Variants in PHF2 observed in about 807,000 individuals in gnomAD.
PHF2 encodes the protein PHD finger protein 2, also known as lysine-specific demethylase PHF2.
In PHF2, 27 loss-of-function variants were observed where a neutral mutation model predicts 120.5. The ratio of observed to expected loss-of-function variants is 0.22; its 90% CI spans 0.17 to 0.31. The LOEUF (loss-of-function observed/expected upper bound fraction) is 0.31. Among genes scored for constraint, PHF2 ranks in the 10% least tolerant of loss-of-function variants. The probability of loss-of-function intolerance (pLI) is 1.00; values close to 1 mark genes in which losing one functional copy is unlikely to be tolerated. For synonymous variants in PHF2, 568 were observed against 592.5 expected, an observed-to-expected ratio of 0.96 and a Z score of 0.60; for missense variants, 1,024 against 1,434.8, an observed-to-expected ratio of 0.71 and a Z score of 4.63.
chr9:93,673,924 T>C, intron 18 of PHF2, 62 bp downstream of exon 18: 34 of 1,486,722 alleles, frequency 2.3e-5, no homozygotes, highest in Non-Finnish European at 2.9e-5. Flanking sequence ...TGGCTGAGAA[T>C]GGAGACAGTA....
At chr9:93,577,771 G>GC (rs756555089) in intron 1 of PHF2, among the ~76,000 whole-genome samples, 7 of 152,220 alleles carry the variant, frequency 4.6e-5, no homozygotes, top group Non-Finnish European at 1.0e-4. Context: ...CTTGCCGATG[G>GC]CCATGACCTG....
intron 1 of PHF2, among the ~76,000 whole-genome samples, chr9:93,606,953 C>G (rs1825552486): frequency 6.6e-6 from 1 of 152,140 alleles, no homozygotes; most frequent in Non-Finnish European, 1.5e-5. Context: ...GTTGATCAGA[C>G]TGTTTTGTCT....
chr9:93,619,249 C>G (rs982606153), intron 1 of PHF2, among the ~76,000 whole-genome samples: 2 of 152,148 alleles, frequency 1.3e-5, no homozygotes, highest in African/African-American at 4.8e-5. Context: ...AGGTCACAAG[C>G]TGAGACACAG....
At chr9:93,654,285 G>A in intron 6 of PHF2, 128 bp from the exon 7 acceptor site, 1 of 761,612 alleles carries the variant, frequency 1.3e-6, no homozygotes, top group East Asian at 2.6e-5. Context: ...CAAAGCACCT[G>A]TGCCCTCAGT....
chr9:93,636,447 G>A lies in PHF2; in HGVS notation c.221G>A (p.Gly74Glu). 1 of 1,610,632 alleles carries A rather than the reference G, an allele frequency of 6.2e-7. No homozygotes were observed. Among genetic ancestry groups the A allele is most frequent in the Non-Finnish European group, 8.5e-7 (1 of 1,178,640 alleles). ...KKRTWHKHGP[G>E]QAPDVKPVQN... is the part of the protein sequence containing the mutation. ...CGGACCTGGCACAAACACGGCCCGG[G>A]GCAAGCGCCTGACGTCAAGCCCGTG... Residue 74 changes from glycine to glutamate, a missense_variant, in exon 3 of 22, where the codon GGG becomes GAG. Around this residue, in one of 2 missense-constraint regions of PHF2, gnomAD observed 347 missense variants for 577.4 expected, o/e 0.60. Transcript: ENST00000359246.
At chr9:93,646,964 A>G (rs1025900392) in intron 4 of PHF2, among the ~76,000 whole-genome samples, 10 of 152,204 alleles carry the variant, frequency 6.6e-5, no homozygotes, top group African/African-American at 2.4e-4. Flanking sequence ...GAGCTGTGGC[A>G]CTAGCTCTGT....
chr9:93,612,947 C>T (rs1420696844), intron 1 of PHF2, among the ~76,000 whole-genome samples: 1 of 152,216 alleles, frequency 6.6e-6, no homozygotes, highest in Admixed American at 6.5e-5. Context: ...GCACCCTTCA[C>T]GTGGAGCGAT....
intron 5 of PHF2, among the ~76,000 whole-genome samples, chr9:93,649,847 G>C (rs997537539): frequency 6.6e-6 from 1 of 151,964 alleles, no homozygotes; most frequent in Non-Finnish European, 1.5e-5. Context: ...ACACCAACGT[G>C]TGGTGCAGTC....
Position 93,679,157 on chromosome 9 carries a change from T to C in PHF2, c.*1481T>C, listed in dbSNP as rs992185304. ...GCTTTTTATATTTGTACATTTCTTA[T>C]GAGCTTTGTTTATATACCCATTACC... On this transcript the variant is annotated 3_prime_UTR_variant, in exon 22 of 22. Coordinates refer to ENST00000359246, the MANE Select transcript of PHF2 (RefSeq NM_005392.4). The C allele has an allele frequency of 1.4e-5, 6 of 426,798 alleles. No individual in the cohort carries two copies. The highest frequency in any genetic ancestry group is 4.2e-5 in the African/African-American group (2 of 48,000). The allele number at this position is 426,798 out of a possible 1,614,324, so 26.4% of individuals were successfully genotyped here.
At chr9:93,610,146 A>G (rs1255945132) in intron 1 of PHF2, among the ~76,000 whole-genome samples, 1 of 151,604 alleles carries the variant, frequency 6.6e-6, no homozygotes, top group Admixed American at 6.6e-5. Flanking sequence ...GCTTGCTGTT[A>G]TTAATTTTGG....
intron 1 of PHF2, among the ~76,000 whole-genome samples, chr9:93,612,052 A>G (rs550552907): frequency 1.3e-5 from 2 of 152,324 alleles, no homozygotes; most frequent in African/African-American, 4.8e-5. Context: ...TTCCACACAC[A>G]AAAAAGGTGT....
chr9:93,665,621 G>A (rs933103961), intron 14 of PHF2, 65 bp from the exon 15 acceptor site: 155 of 1,567,362 alleles, frequency 9.9e-5, no homozygotes, highest in Non-Finnish European at 1.3e-4. Flanking sequence ...CCCCTCGGGA[G>A]GTCCTACCTG....
intron 2 of PHF2, among the ~76,000 whole-genome samples, chr9:93,633,045 C>T (rs1385519125): frequency 6.6e-6 from 1 of 152,164 alleles, no homozygotes; most frequent in East Asian, 1.9e-4. Flanking sequence ...AGCTCTAAGC[C>T]AGTGCTGGGA....
At chr9:93,609,648 TTGCTTCTC>T (rs1480192773) in intron 1 of PHF2, among the ~76,000 whole-genome samples, 1 of 152,182 alleles carries the variant, frequency 6.6e-6, no homozygotes, top group African/African-American at 2.4e-5. Flanking sequence ...AATTCTGTCC[TTGCTTCTC>T]TGTAGGTAAG....
chr9:93,640,125 G>T (rs199942572), intron 3 of PHF2, among the ~76,000 whole-genome samples: 6 of 151,746 alleles, frequency 4.0e-5, no homozygotes, highest in Admixed American at 1.3e-4. Flanking sequence ...TTGGTCTTTG[G>T]TTTTTTTTGC....
intron 1 of PHF2, among the ~76,000 whole-genome samples, chr9:93,589,177 C>T (rs1321311483): frequency 1.3e-5 from 2 of 152,170 alleles, no homozygotes; most frequent in Non-Finnish European, 1.5e-5. Flanking sequence ...AATAACAGTC[C>T]TGGGAAGGAA....
chr9:93,671,557 A>T (rs10992850), intron 17 of PHF2, among the ~76,000 whole-genome samples: 48 of 74,014 alleles, frequency 6.5e-4, no homozygotes, highest in African/African-American at 9.0e-4. Context: ...TGGGTGTGGG[A>T]GTAGGGTCAG....
At chr9:93,645,524 G>A in intron 3 of PHF2, 105 bp from the exon 4 acceptor site, 1 of 1,210,510 alleles carries the variant, frequency 8.3e-7, no homozygotes, top group Non-Finnish European at 1.1e-6. Context: ...GGAGGTGGGT[G>A]GCCAGACCCA....
At chr9:93,641,465 G>T (rs969628152) in intron 3 of PHF2, among the ~76,000 whole-genome samples, 2 of 152,184 alleles carry the variant, frequency 1.3e-5, no homozygotes, top group African/African-American at 2.4e-5. Context: ...TGGGTGGTTG[G>T]TTGTTTGCCC....
Sources: gnomAD v4.1 joint callset for allele counts (sites outside exome capture counted in the v4.1 genomes callset) on GRCh38, gnomAD v4.1.1 for gene constraint, gnomAD v4.1.1 regional missense constraint, MANE v1.5 for transcripts, NCBI Gene and HGNC (gene_info 2026-07-23, HGNC 2026-07-21) for gene names.